MNAT1: variants seen among roughly 807,000 people sequenced by gnomAD.
MNAT1 encodes the protein MNAT1 component of CDK activating kinase.
In MNAT1, 43 loss-of-function variants were observed where a neutral mutation model predicts 42.0. The ratio of observed to expected loss-of-function variants is 1.02; its 90% confidence interval spans 0.80 to 1.32. The LOEUF is 1.32. Among genes scored for constraint, MNAT1 ranks in the 40% most tolerant of loss-of-function variants. The pLI, the probability that MNAT1 is intolerant of heterozygous loss-of-function variation, is 0.00. For missense variants in MNAT1, 306 were observed against 350.4 expected, an observed-to-expected ratio of 0.87 and a Z score of 1.01; for synonymous variants, 118 against 120.0, an observed-to-expected ratio of 0.98 and a Z score of 0.11.
chr14:60,951,924 C>A (rs12147352), intron 7 of MNAT1, among the ~76,000 whole-genome samples: 139,932 of 152,180 alleles, frequency 0.92, 64,841 homozygotes, highest in Non-Finnish European at 0.99. Flanking sequence ...TAATTTTTTG[C>A]GGGTGGAGCA....
intron 7 of MNAT1, among the ~76,000 whole-genome samples, chr14:60,929,906 G>T (rs1024906217): frequency 1.3e-5 from 2 of 151,970 alleles, no homozygotes; most frequent in Non-Finnish European, 2.9e-5. Context: ...ATTCTGACAG[G>T]AACCACCCTC....
At chr14:60,869,196 A>ATT (rs533524400) in intron 6 of MNAT1, among the ~76,000 whole-genome samples, 4 of 136,426 alleles carry the variant, frequency 2.9e-5, no homozygotes, top group African/African-American at 8.0e-5. Context: ...TGCCCAGCTA[A>ATT]TTTTTTTTTT....
At chr14:60,855,607 C>T (rs1410597517) in intron 6 of MNAT1, among the ~76,000 whole-genome samples, 4 of 152,156 alleles carry the variant, frequency 2.6e-5, no homozygotes, top group Non-Finnish European at 4.4e-5. Flanking sequence ...CCCACCCTTG[C>T]TTCTGTTCAC....
At chr14:60,951,909 A>G (rs1406404774) in intron 7 of MNAT1, among the ~76,000 whole-genome samples, 1 of 151,958 alleles carries the variant, frequency 6.6e-6, no homozygotes, top group Non-Finnish European at 1.5e-5. Flanking sequence ...ACCAGTTGTT[A>G]TTCTTAATTT....
chr14:60,943,003 AGTGTGTGTGTGTGT>A (rs138575597), intron 7 of MNAT1, among the ~76,000 whole-genome samples: 845 of 78,476 alleles, frequency 0.011, 29 homozygotes, highest in African/African-American at 0.033. Flanking sequence ...AACCACATGT[AGTGTGTGTGTGTGT>A]GTGTGTGTGT....
intron 6 of MNAT1, among the ~76,000 whole-genome samples, chr14:60,833,973 A>G (rs1287174404): frequency 6.6e-6 from 1 of 152,120 alleles, no homozygotes; most frequent in African/African-American, 2.4e-5. Context: ...AGAGGTGTTA[A>G]TAGTGTTTTC....
At chr14:60,946,025 T>C (rs754049278) in intron 7 of MNAT1, among the ~76,000 whole-genome samples, 2 of 152,222 alleles carry the variant, frequency 1.3e-5, no homozygotes, top group Non-Finnish European at 2.9e-5. Context: ...TCCATTCTTA[T>C]TGGCAGAAAG....
At chr14:60,870,425 A>G (rs562939476) in intron 6 of MNAT1, among the ~76,000 whole-genome samples, 1 of 152,268 alleles carries the variant, frequency 6.6e-6, no homozygotes, top group South Asian at 2.1e-4. Context: ...TATCAATTAT[A>G]TGACAACAGT....
rs139339417 is a variant in MNAT1 at position 60,924,287 on chromosome 14, A to G, written c.810-43942A>G. On this transcript the variant is annotated intron_variant, in intron 7 of 7. Transcript: ENST00000261245. Reference sequence around the variant, plus strand: ...GGGATATTTGCAATACAGTTTATTGATATGTCACATACATGTAAAGTTTAT... The same window carrying G: ...GGGATATTTGCAATACAGTTTATTGGTATGTCACATACATGTAAAGTTTAT... Among the ~76,000 whole-genome samples, 786 of 151,620 alleles carry G rather than the reference A, an allele frequency of 5.2e-3. 14 individuals carry two copies. Among genetic ancestry groups the G allele is most frequent in the African/African-American group, 0.018 (737 of 41,338 alleles).
intron 6 of MNAT1, among the ~76,000 whole-genome samples, chr14:60,865,604 G>T (rs2034186183): frequency 6.6e-6 from 1 of 152,092 alleles, no homozygotes; most frequent in Non-Finnish European, 1.5e-5. Context: ...GCAACAAATG[G>T]TAGTTTGGTA....
intron 6 of MNAT1, among the ~76,000 whole-genome samples, chr14:60,877,180 T>G (rs1481870447): frequency 1.3e-5 from 2 of 152,082 alleles, no homozygotes. Flanking sequence ...TTGACTTGCA[T>G]TGCCCTAATG....
At chr14:60,920,826 G>C (rs1183577507) in intron 7 of MNAT1, among the ~76,000 whole-genome samples, 1 of 152,110 alleles carries the variant, frequency 6.6e-6, no homozygotes, top group Non-Finnish European at 1.5e-5. Flanking sequence ...TATTTAGAGA[G>C]ACTAATTTTT....
rs536253201 is a variant in MNAT1 at position 60,962,927 on chromosome 14, C to T, written c.810-5302C>T. ...GGTAAAGTGTAAGAGTAACATATGACTGCCTGTGGAAGTTTGTTACATTTT... is the reference window on the plus strand; with the variant it reads ...GGTAAAGTGTAAGAGTAACATATGATTGCCTGTGGAAGTTTGTTACATTTT... On this transcript the variant is annotated intron_variant, in intron 7 of 7. Transcript: ENST00000261245. Among the ~76,000 whole-genome samples the T allele has an allele frequency of 4.6e-5, 7 of 152,254 alleles. No individual in the cohort carries two copies. In the East Asian group the frequency reaches 1.2e-3, roughly 25 times the overall value.
chr14:60,745,674 C>T (rs1471333679), intron 1 of MNAT1, among the ~76,000 whole-genome samples: 2 of 152,192 alleles, frequency 1.3e-5, no homozygotes, highest in African/African-American at 4.8e-5. Context: ...ACCTTGGCCT[C>T]CCACCTTGGT....
Position 60,968,995 on chromosome 14 carries a change from T to C in MNAT1, c.*646T>C, listed in dbSNP as rs925336773. ...TCCCAGCTGTGAGCCACACTCAGGA[T>C]AAAACAAAACCCAGCATTAACCTGC... On this transcript the variant is annotated 3_prime_UTR_variant, in exon 8 of 8. Transcript: ENST00000261245. 1 of 153,448 alleles carries C rather than the reference T, an allele frequency of 6.5e-6. No individual in the cohort carries two copies. Among genetic ancestry groups the C allele is most frequent in the African/African-American group, 2.4e-5 (1 of 41,474 alleles). 9.5% of individuals were successfully genotyped at this position (153,448 alleles called of 1,614,324 possible).
chr14:60,879,575 C>A, intron 6 of MNAT1, 139 bp from the exon 7 acceptor site: 1 of 721,408 alleles, frequency 1.4e-6, no homozygotes. Flanking sequence ...TGCTGCAATG[C>A]ATTGTACCCA....
At chr14:60,811,363 T>C (rs1039044597) in intron 4 of MNAT1, among the ~76,000 whole-genome samples, 1 of 146,728 alleles carries the variant, frequency 6.8e-6, no homozygotes, top group African/African-American at 2.5e-5. Context: ...AGTGTAATGG[T>C]GTGAACTTGG....
chr14:60,887,637 C>A lies in MNAT1; in HGVS notation c.809+7802C>A, dbSNP rs539475410. Among the ~76,000 whole-genome samples the A allele has an allele frequency of 1.8e-3, 266 of 151,726 alleles. 1 individual carries two copies. Among genetic ancestry groups the A allele is most frequent in the Non-Finnish European group, 2.6e-3 (177 of 67,890 alleles). ...GGAAATAGAGACACAAAAAACCCTT[C>A]AAAAAATTAATGTATCCAGGAGCTG... On this transcript the variant is annotated intron_variant, in intron 7 of 7. Coordinates refer to ENST00000261245, the MANE Select transcript of MNAT1 (RefSeq NM_002431.4).
chr14:60,757,962 C>G (rs1425905739), intron 1 of MNAT1, among the ~76,000 whole-genome samples: 1 of 152,250 alleles, frequency 6.6e-6, no homozygotes, highest in South Asian at 2.1e-4. Context: ...CAATACACTA[C>G]AATAATTGTT....
Sources: gnomAD v4.1 joint callset for allele counts (sites outside exome capture counted in the v4.1 genomes callset) on GRCh38, gnomAD v4.1.1 for gene constraint, MANE v1.5 for transcripts, NCBI Gene and HGNC (gene_info 2026-07-23, HGNC 2026-07-21) for gene names.